The following SEC16A variants were observed in gnomAD, a reference collection of about 807,000 sequenced individuals.
The protein encoded by SEC16A is protein transport protein Sec16A.
SEC16A carries 110 observed loss-of-function variants against 221.9 expected under a neutral mutation model. That is an observed-to-expected ratio of 0.50 (90% confidence interval 0.42 to 0.58). The LOEUF is 0.58. SEC16A is among the 20% of genes least tolerant of loss of function. The pLI is 0.00. For missense variants in SEC16A, 3,165 were observed against 3,097.8 expected (o/e 1.02, Z -0.52); for synonymous variants, 1,393 against 1,257.7 (o/e 1.11, Z -2.28).
upstream of SEC16A, chr9:136,484,378 G>T: frequency 8.5e-7 from 1 of 1,183,164 alleles, no homozygotes; most frequent in African/African-American, 1.6e-5. Context: ...GGAACAGGTG[G>T]GCACTATCCT....
chr9:136,473,178 C>G (rs979772735), intron 3 of SEC16A, among the ~76,000 whole-genome samples: 7 of 152,238 alleles, frequency 4.6e-5, no homozygotes, highest in Non-Finnish European at 1.0e-4. Context: ...CTCCTCGGGG[C>G]GGGCCCCCTT....
chr9:136,469,287 T>C (rs1394625441), intron 4 of SEC16A, among the ~76,000 whole-genome samples: 5 of 152,180 alleles, frequency 3.3e-5, no homozygotes, highest in African/African-American at 7.2e-5. Context: ...GGGATTCTAA[T>C]GGCCCCACCT....
chr9:136,484,730 A>T, upstream of SEC16A: 1 of 1,366,780 alleles, frequency 7.3e-7, no homozygotes, highest in Non-Finnish European at 9.8e-7. Context: ...ACGTGGCACC[A>T]GGGCCAATCT....
Position 136,476,452 on chromosome 9 carries a change from TGAGA to T in SEC16A, c.1160_1163del (p.Leu387HisfsTer22). 6.2e-7 allele frequency: 1 copy of T among 1,613,126 alleles called. No homozygotes were observed. Among genetic ancestry groups the T allele is most frequent in the Admixed American group, 1.7e-5 (1 of 59,996 alleles). On this transcript the variant is annotated frameshift_variant, in exon 3 of 32. Coordinates refer to ENST00000684901, the MANE Select transcript of SEC16A (RefSeq NM_014866.2). LOFTEE classifies it high-confidence loss of function. ...GACCAGATAAGCCTGCTTTTTCAGA[TGAGA>T]GATTCTCCTCATTTTCTGTCTCTCC... is the stretch of plus-strand genomic sequence containing the variant.
At chr9:136,463,827 G>GT in intron 9 of SEC16A, 87 bp from the exon 10 acceptor site, 3 of 1,443,830 alleles carry the variant, frequency 2.1e-6, no homozygotes, top group South Asian at 1.1e-5. Flanking sequence ...GATGCTGCCC[G>GT]TGAGAGGAGA....
chr9:136,443,834 G>A lies in SEC16A; in HGVS notation c.6994C>T (p.Gln2332Ter), dbSNP rs748224873. 1.2e-6 allele frequency: 2 copies of A among 1,612,298 alleles called. No individual in the cohort carries two copies. Among genetic ancestry groups the A allele is most frequent in the Non-Finnish European group, 1.7e-6 (2 of 1,179,162 alleles). The change falls in exon 31 of 32, where the codon CAG (glutamine) becomes TAG (stop). Residue 2332 changes from glutamine to a stop codon, truncating the protein, a stop_gained. Coordinates refer to ENST00000684901, the MANE Select transcript of SEC16A (RefSeq NM_014866.2). LOFTEE classifies it low-confidence loss of function (END_TRUNC). Reference sequence around the variant, plus strand: ...TAGGAGTCACTCACCTGTGCCAGCTGAGCAGGGTTGTAGAAGGGCATGGCC... The same window carrying A: ...TAGGAGTCACTCACCTGTGCCAGCTAAGCAGGGTTGTAGAAGGGCATGGCC... Reference protein sequence around the residue: ...SGAMPFYNPAQLAQACATSGS... With the variant: ...SGAMPFYNPA
chr9:136,478,640 A>G (rs1440017808), intron 2 of SEC16A, among the ~76,000 whole-genome samples, 69 bp downstream of exon 2: 1 of 152,048 alleles, frequency 6.6e-6, no homozygotes, highest in Non-Finnish European at 1.5e-5. Flanking sequence ...GGTCGAGACC[A>G]GCCTGGGCAA....
chr9:136,459,383 G>T lies in SEC16A; in HGVS notation c.5303+61C>A. On this transcript the variant is annotated intron_variant, in intron 16 of 31. Transcript: ENST00000684901. This position sits in a 1 kb window ranked among gnomAD's most constrained non-coding sequence, Gnocchi z 6.1. Reference sequence around the variant, plus strand: ...GGCCATTTCTGAATTCACTAAAGGAGAAGGATTTTGTTTTACTTTGAAAGG... The same window carrying T: ...GGCCATTTCTGAATTCACTAAAGGATAAGGATTTTGTTTTACTTTGAAAGG... The T allele has an allele frequency of 1.4e-6, 2 of 1,436,256 alleles. No homozygotes were observed. Among genetic ancestry groups the T allele is most frequent in the Non-Finnish European group, 9.6e-7 (1 of 1,042,666 alleles). 89.0% of individuals were successfully genotyped at this position (1,436,256 alleles called of 1,614,324 possible). A position where few individuals can be genotyped will look rare whatever the true frequency, so the allele number is the denominator to read the frequency against.
chr9:136,446,081 C>T (rs1167011038), intron 28 of SEC16A, among the ~76,000 whole-genome samples: 22 of 150,402 alleles, frequency 1.5e-4, no homozygotes, highest in Admixed American at 9.9e-4. Context: ...CCTGTCCCAC[C>T]GTACAGAGTG....
chr9:136,466,312 T>G lies in SEC16A; in HGVS notation c.4080A>C (p.Ala1360=). 6.4e-7 allele frequency: 1 copy of G among 1,570,114 alleles called. No individual in the cohort carries two copies. Among genetic ancestry groups the G allele is most frequent in the Non-Finnish European group, 8.6e-7 (1 of 1,158,332 alleles). Residue 1360 remains alanine, a synonymous_variant, in exon 7 of 32, where the codon GCA becomes GCC. Coordinates refer to ENST00000684901, the MANE Select transcript of SEC16A (RefSeq NM_014866.2). This position sits in a 1 kb window ranked among gnomAD's most constrained non-coding sequence, Gnocchi z 5.5. ...SEHSARSLHS[A]HSLASRRSSL... ...TGCTGCGGCGGCTGGCCAGGCTGTG[T>G]GCGCTGTGCAGGCTCCGTGCCGAGT... is the stretch of plus-strand genomic sequence containing the variant.
In SEC16A at chr9:136,461,263, C is replaced by A. The variant is rs1295420534; in HGVS notation, c.4905G>T (p.Glu1635Asp). The change falls in exon 13 of 32, where the codon GAG becomes GAT. Residue 1635 changes from glutamate (E) to aspartate (D), a missense_variant. By Grantham distance (45) the Glu-to-Asp change is conservative. This residue lies in a region of SEC16A where 1,088 missense variants were observed against 1,089.6 expected (regional missense o/e 1.00). Transcript: ENST00000684901. ...LLYGRKKDAL[E>D]SAMKNGLWGH... ...CCCACAGGCCATTCTTCATTGCAGA[C>A]TCCAAAGCATCCTGCAAAAGGCATT... 6.2e-7 allele frequency: 1 copy of A among 1,604,406 alleles called. No homozygotes were observed. The highest frequency in any genetic ancestry group is 2.2e-5 in the East Asian group (1 of 44,534).
rs1354420245 is a variant in SEC16A, at chr9:136,454,317, C to T, written c.5868G>A (p.Thr1956=). The T allele has an allele frequency of 3.2e-6, 5 of 1,574,916 alleles. No individual in the cohort carries two copies. The highest frequency in any genetic ancestry group is 1.3e-5 in the African/African-American group (1 of 74,152). The change falls in exon 21 of 32, where the codon ACG becomes ACA. Residue 1956 remains threonine (T), a synonymous_variant. Transcript: ENST00000684901. ...GACTGGCCAATGGGCCGTCAGGGAG[C>T]GTCTGCGGAGCTGCATGGGAACGGT... is the stretch of plus-strand genomic sequence containing the variant. ...SVRLLPSAPQ[T]LPDGPLASPA...
chr9:136,452,310 G>C (rs748062108), intron 22 of SEC16A, among the ~76,000 whole-genome samples: 2 of 151,528 alleles, frequency 1.3e-5, no homozygotes, highest in Admixed American at 1.3e-4. Flanking sequence ...AATGAGCTGG[G>C]TGTGGTGGTG....
chr9:136,464,675 G>A (rs1839924831), intron 8 of SEC16A, 113 bp from the exon 9 acceptor site: 3 of 936,710 alleles, frequency 3.2e-6, no homozygotes, highest in South Asian at 1.8e-5. Flanking sequence ...TATCACGACA[G>A]ACTTCCAACT....
rs777393628 is a variant in SEC16A at position 136,460,123 on chromosome 9, C to T, written c.4992G>A (p.Arg1664=). Residue 1664 remains arginine (R), a splice_region_variant and synonymous_variant, in exon 14 of 32, where the codon AGG becomes AGA. Coordinates refer to ENST00000684901, the MANE Select transcript of SEC16A (RefSeq NM_014866.2). ...DSRTHARVMT[R]FANSLPINDP... is the part of the protein sequence containing the mutation. ...CGTTGATTGGGAGGCTGTTAGCAAACCTAGGCAGACATAAACACAGAAAGA... is the reference window on the plus strand; with the variant it reads ...CGTTGATTGGGAGGCTGTTAGCAAATCTAGGCAGACATAAACACAGAAAGA... 11 of 1,600,982 alleles carry T rather than the reference C, an allele frequency of 6.9e-6. No individual in the cohort carries two copies. In the Admixed American group the frequency reaches 6.9e-5, roughly 10 times the overall value.
rs1436197049 is a variant in SEC16A at position 136,454,125 on chromosome 9, G to A, written c.6060C>T (p.Ala2020=). Residue 2020 remains alanine, a synonymous_variant, in exon 21 of 32, where the codon GCC becomes GCT. Coordinates refer to ENST00000684901, the MANE Select transcript of SEC16A (RefSeq NM_014866.2). The part of the protein sequence containing the change: ...LQERRHLLQE[A]RSPDPGIVPQ... ...CAGCCCCACCTGGGTCTGGGCTCCT[G>A]GCTTCCTGGAGCAAGTGTCTCCTTT... 1 of 1,551,620 alleles carries A rather than the reference G, an allele frequency of 6.4e-7. No homozygotes were observed. Among genetic ancestry groups the A allele is most frequent in the South Asian group, 1.2e-5 (1 of 83,976 alleles).
chr9:136,480,759 G>A (rs113201696), intron 1 of SEC16A, among the ~76,000 whole-genome samples: 9 of 152,060 alleles, frequency 5.9e-5, no homozygotes, highest in African/African-American at 1.4e-4. Flanking sequence ...GCGTGGTGGC[G>A]GGCGCCTGTA....
chr9:136,481,182 TGGAGTG>T (rs1842294869), intron 1 of SEC16A, among the ~76,000 whole-genome samples: 2 of 136,326 alleles, frequency 1.5e-5, no homozygotes, highest in Non-Finnish European at 3.1e-5. Context: ...TCACCCAGGC[TGGAGTG>T]CAGTGGCGCG....
At chr9:136,450,511 C>G (rs1321509294) in intron 23 of SEC16A, among the ~76,000 whole-genome samples, 1 of 151,904 alleles carries the variant, frequency 6.6e-6, no homozygotes, top group Admixed American at 6.6e-5. Flanking sequence ...GAGACTTGAA[C>G]AAGCACTGCC....
Sources: gnomAD v4.1 joint callset for allele counts (sites outside exome capture counted in the v4.1 genomes callset) on GRCh38, gnomAD v4.1.1 for gene constraint, gnomAD v4.1.1 regional missense constraint, Gnocchi (gnomAD v3.1) non-coding constraint, MANE v1.5 for transcripts, NCBI Gene and HGNC (gene_info 2026-07-23, HGNC 2026-07-21) for gene names.